STK39: variants seen among roughly 807,000 people sequenced by gnomAD.
The protein encoded by STK39 is serine/threonine kinase 39, also known as STE20/SPS1-related proline-alanine-rich protein kinase.
A neutral mutation model predicts 77.8 loss-of-function variants in STK39; 20 were observed. The ratio of observed to expected loss-of-function variants is 0.26; its 90% CI spans 0.18 to 0.37. The LOEUF (loss-of-function observed/expected upper bound fraction) is 0.37. Ranked by LOEUF, STK39 falls within the 10% of genes least tolerant of loss-of-function variation. The pLI, the probability that STK39 is intolerant of heterozygous loss-of-function variation, is 1.00. For synonymous variants in STK39, 246 were observed against 234.1 expected (o/e 1.05, Z -0.47); for missense variants, 479 against 656.5 (o/e 0.73, Z 2.95).
intron 14 of STK39, among the ~76,000 whole-genome samples, chr2:168,061,159 T>C (rs1685653745): frequency 6.6e-6 from 1 of 151,964 alleles, no homozygotes; most frequent in South Asian, 2.1e-4. Context: ...TGAGTCATGC[T>C]GAACATGTCA....
intron 5 of STK39, among the ~76,000 whole-genome samples, chr2:168,153,575 T>C (rs563489701): frequency 1.7e-4 from 25 of 148,878 alleles, no homozygotes; most frequent in African/African-American, 5.9e-4. Context: ...GAGCCACTGA[T>C]AGAGAGTACG....
chr2:168,070,483 A>C (rs1685910939), intron 12 of STK39, among the ~76,000 whole-genome samples: 1 of 150,688 alleles, frequency 6.6e-6, no homozygotes, highest in Admixed American at 6.6e-5. Context: ...TCTAGGGTAC[A>C]TGTGCACAAC....
At chr2:168,202,752 T>C (rs1372629451) in intron 1 of STK39, among the ~76,000 whole-genome samples, 1 of 150,920 alleles carries the variant, frequency 6.6e-6, no homozygotes, top group Non-Finnish European at 1.5e-5. Context: ...GGGAAACATC[T>C]AGAGAGATTA....
chr2:168,033,961 A>G (rs1428429229), intron 14 of STK39, among the ~76,000 whole-genome samples: 3 of 152,242 alleles, frequency 2.0e-5, no homozygotes, highest in Non-Finnish European at 4.4e-5. Context: ...GTGAAAAAAC[A>G]TCAACAGCAA....
chr2:168,235,443 ATTTT>A (rs35628764), intron 1 of STK39, among the ~76,000 whole-genome samples: 1 of 147,554 alleles, frequency 6.8e-6, no homozygotes, highest in Non-Finnish European at 1.5e-5. Flanking sequence ...CGAGCCTGGG[ATTTT>A]TTTTTTTTTA....
intron 1 of STK39, among the ~76,000 whole-genome samples, chr2:168,242,679 T>TCC (rs940474117): frequency 4.1e-5 from 6 of 146,326 alleles, no homozygotes; most frequent in Non-Finnish European, 8.9e-5. Context: ...GCGGAGGAGT[T>TCC]CAAGAGCAGC....
chr2:168,208,046 C>T (rs985244776), intron 1 of STK39, among the ~76,000 whole-genome samples: 2 of 152,112 alleles, frequency 1.3e-5, no homozygotes, highest in African/African-American at 2.4e-5. Context: ...GCTCCTTCTC[C>T]GGAGATGTTC....
intron 14 of STK39, among the ~76,000 whole-genome samples, chr2:168,031,513 C>T (rs1684832875): frequency 6.6e-6 from 1 of 152,156 alleles, no homozygotes; most frequent in Non-Finnish European, 1.5e-5. Context: ...ATGTTGAAAG[C>T]CTAACAGCCA....
intron 10 of STK39, among the ~76,000 whole-genome samples, chr2:168,075,816 C>T (rs2105405771): frequency 6.6e-6 from 1 of 152,276 alleles, no homozygotes; most frequent in African/African-American, 2.4e-5. Flanking sequence ...CAGCACCAGA[C>T]CATTCTTAAC....
chr2:168,006,181 G>C (rs1684128589), intron 16 of STK39, among the ~76,000 whole-genome samples: 2 of 152,188 alleles, frequency 1.3e-5, no homozygotes, highest in South Asian at 4.1e-4. Context: ...CTGTCAAGCA[G>C]CTTCTCTTCC....
chr2:168,136,510 A>G lies in STK39; in HGVS notation c.974+1578T>C, dbSNP rs1489516474. On this transcript the variant is annotated intron_variant, in intron 8 of 17. Coordinates refer to ENST00000355999, the MANE Select transcript of STK39 (RefSeq NM_013233.3). ...TTAAGTACACTAACGATTCTACCCT[A>G]CAGAACAATTTTCTTAAAAAACTGG... 3.9e-5 allele frequency among the ~76,000 whole-genome samples: 6 copies of G among 152,236 alleles called. No individual in the cohort carries two copies. The East Asian group carries it at 1.2e-3, about 29-fold the overall frequency.
chr2:168,063,658 T>C, intron 13 of STK39, 88 bp from the exon 14 acceptor site: 1 of 1,268,728 alleles, frequency 7.9e-7, no homozygotes. Flanking sequence ...CATATAGCCA[T>C]TTCTTTCTGG....
At chr2:168,188,679 A>G (rs1295438994) in intron 1 of STK39, among the ~76,000 whole-genome samples, 1 of 152,220 alleles carries the variant, frequency 6.6e-6, no homozygotes, top group Non-Finnish European at 1.5e-5. Flanking sequence ...CTGATCTGCT[A>G]CATGTCACCA....
intron 1 of STK39, among the ~76,000 whole-genome samples, chr2:168,235,131 G>A (rs1001056102): frequency 1.6e-4 from 24 of 151,426 alleles, no homozygotes; most frequent in African/African-American, 5.1e-4. Flanking sequence ...ACCGCTTCTC[G>A]GGTTCAGGCA....
At chr2:168,160,459 G>C (rs3820859) in intron 5 of STK39, among the ~76,000 whole-genome samples, 24,859 of 121,504 alleles carry the variant, frequency 0.2, 2,102 homozygotes, top group Admixed American at 0.29. Flanking sequence ...AGAAGTAATA[G>C]TAGTAATAGT....
intron 5 of STK39, among the ~76,000 whole-genome samples, chr2:168,155,696 T>C (rs1003102267): frequency 2.6e-5 from 4 of 152,242 alleles, no homozygotes; most frequent in Admixed American, 2.6e-4. Context: ...AGGGCAGTGC[T>C]TGTCCAAAAT....
At position 168,239,732 on chromosome 2, in the gene STK39, G is replaced by C. The variant is rs559324444; in HGVS notation, c.208+7496C>G. ...AATATCTATTATGACATGCAGGGTA[G>C]GGAGATGAGAGACCCTGTCCTCAAG... On this transcript the variant is annotated intron_variant, in intron 1 of 17. Transcript: ENST00000355999. 4.6e-5 allele frequency among the ~76,000 whole-genome samples: 7 copies of C among 152,358 alleles called. No individual in the cohort carries two copies. In the South Asian group the frequency reaches 1.4e-3, roughly 32 times the overall value.
intron 5 of STK39, among the ~76,000 whole-genome samples, chr2:168,158,138 G>A (rs944264097): frequency 2.6e-5 from 4 of 152,158 alleles, no homozygotes; most frequent in Admixed American, 6.5e-5. Flanking sequence ...TGACTTTCGA[G>A]TAGCCACTCC....
At chr2:168,047,725 C>A (rs1033448349) in intron 14 of STK39, among the ~76,000 whole-genome samples, 1 of 152,192 alleles carries the variant, frequency 6.6e-6, no homozygotes, top group Non-Finnish European at 1.5e-5. Context: ...CTCCCCAGGG[C>A]CCTCTGTGTC....
Sources: allele counts gnomAD v4.1 joint callset (sites outside exome capture counted in the v4.1 genomes callset), GRCh38; gene constraint gnomAD v4.1.1; transcripts MANE v1.5; gene names NCBI Gene and HGNC (gene_info 2026-07-23, HGNC 2026-07-21).